Variants in ZBTB38 observed in about 807,000 individuals in gnomAD.
The protein encoded by ZBTB38 is zinc finger and BTB domain-containing protein 38.
A neutral mutation model predicts 76.8 loss-of-function variants in ZBTB38; 20 were observed. That is an observed-to-expected ratio of 0.26 (90% CI 0.18 to 0.38). The LOEUF is 0.38. Ranked by LOEUF, ZBTB38 falls within the 10% of genes least tolerant of loss-of-function variation. The pLI, the probability that ZBTB38 is intolerant of heterozygous loss-of-function variation, is 1.00. For synonymous variants in ZBTB38, 504 were observed against 544.2 expected, an observed-to-expected ratio of 0.93 and a Z score of 1.03; for missense variants, 1,082 against 1,482.3, an observed-to-expected ratio of 0.73 and a Z score of 4.43.
At chr3:141,337,923 AATTT>A (rs1410335245) in intron 1 of ZBTB38, among the ~76,000 whole-genome samples, 2 of 152,204 alleles carry the variant, frequency 1.3e-5, no homozygotes, top group African/African-American at 2.4e-5. Context: ...AATTATCACT[AATTT>A]ATTTATTTAT....
intron 4 of ZBTB38, among the ~76,000 whole-genome samples, chr3:141,399,363 C>A (rs1414389248): frequency 6.6e-6 from 1 of 152,190 alleles, no homozygotes; most frequent in East Asian, 1.9e-4. Context: ...ATCTGCCTGG[C>A]TCCCACGGGC....
chr3:141,389,809 T>C (rs1948290937), intron 4 of ZBTB38: 1 of 152,230 alleles, frequency 6.6e-6, no homozygotes, highest in Non-Finnish European at 1.5e-5. Flanking sequence ...TGCAATGCAA[T>C]TGTTTTACCA....
intron 5 of ZBTB38, among the ~76,000 whole-genome samples, chr3:141,412,742 A>G (rs1447079458): frequency 6.6e-6 from 1 of 152,038 alleles, no homozygotes; most frequent in Non-Finnish European, 1.5e-5. Context: ...GAAATTGGCA[A>G]CAGCTCACTG....
Position 141,445,405 on chromosome 3 carries a change from C to A in ZBTB38, c.3017C>A (p.Thr1006Asn), listed in dbSNP as rs1225152345. Residue 1006 changes from threonine (T) to asparagine (N), a missense_variant, in exon 6 of 6, where the codon ACT becomes AAT. Thr to Asn is a moderately conservative substitution (Grantham distance 65). This residue lies in a region of ZBTB38 where 471 missense variants were observed against 581.0 expected (regional missense o/e 0.81). Transcript: ENST00000321464. The surrounding 1 kb of genome is among the most constrained non-coding windows in gnomAD (Gnocchi z 6.5). The part of the protein sequence containing the change: ...GNQGRPHRHL[T>N]SRPYACELCA... ...CAAGGAAGGCCCCACCGACATCTTA[C>A]TTCTCGGCCATATGCCTGCGAGCTC... 6.2e-7 allele frequency: 1 copy of A among 1,614,210 alleles called. No individual in the cohort carries two copies. Among genetic ancestry groups the A allele is most frequent in the South Asian group, 1.1e-5 (1 of 91,082 alleles).
chr3:141,348,819 A>G (rs1383980418), intron 1 of ZBTB38, among the ~76,000 whole-genome samples: 1 of 152,226 alleles, frequency 6.6e-6, no homozygotes, highest in Non-Finnish European at 1.5e-5. Context: ...TTAAAAAGTG[A>G]TAATCACCAT....
chr3:141,418,670 A>G (rs2074649993), intron 5 of ZBTB38, among the ~76,000 whole-genome samples: 1 of 152,262 alleles, frequency 6.6e-6, no homozygotes, highest in Non-Finnish European at 1.5e-5. Flanking sequence ...GATACTTGTT[A>G]AGAAAACAAA....
In ZBTB38 at chr3:141,442,751, C is replaced by A; in HGVS notation, c.363C>A (p.Asp121Glu). ...GKKLGISFLEDLTDRNFSNSP... is the reference protein window; with the variant it reads ...GKKLGISFLEELTDRNFSNSP... Reference sequence around the variant, plus strand: ...AGCTGGGAATATCGTTCTTGGAAGACCTTACTGATCGCAACTTCTCAAATT... The same window carrying A: ...AGCTGGGAATATCGTTCTTGGAAGAACTTACTGATCGCAACTTCTCAAATT... The change falls in exon 6 of 6, where the codon GAC becomes GAA. Residue 121 changes from aspartate to glutamate, a missense_variant. By Grantham distance (45) the Asp-to-Glu change is conservative. Around this residue, in one of 8 missense-constraint regions of ZBTB38, gnomAD observed 68 missense variants for 153.0 expected, o/e 0.44. Transcript: ENST00000321464. This position sits in a 1 kb window ranked among gnomAD's most constrained non-coding sequence, Gnocchi z 6.4. The A allele has an allele frequency of 4.3e-6, 7 of 1,614,126 alleles. No homozygotes were observed. The highest frequency in any genetic ancestry group is 5.9e-6 in the Non-Finnish European group (7 of 1,180,024).
chr3:141,401,344 T>C lies in ZBTB38; in HGVS notation c.-105-2583T>C, dbSNP rs1169686553. Among the ~76,000 whole-genome samples the C allele has an allele frequency of 2.0e-5, 3 of 151,870 alleles. No individual in the cohort carries two copies. The East Asian group carries it at 5.8e-4, about 29-fold the overall frequency. ...TGGGAAATGCTAATATACATGTGTA[T>C]GCATGTTGCCCAAACTGTCGGCCTT... On this transcript the variant is annotated intron_variant, in intron 4 of 5. Coordinates refer to ENST00000321464, the MANE Select transcript of ZBTB38 (RefSeq NM_001376113.1).
chr3:141,359,816 A>G (rs1463817501), intron 1 of ZBTB38, among the ~76,000 whole-genome samples: 1 of 152,096 alleles, frequency 6.6e-6, no homozygotes, highest in Non-Finnish European at 1.5e-5. Context: ...CTGTGGTTCC[A>G]GCTACTCAGG....
At chr3:141,376,830 G>A (rs891285843) in intron 2 of ZBTB38, among the ~76,000 whole-genome samples, 1 of 152,146 alleles carries the variant, frequency 6.6e-6, no homozygotes, top group Non-Finnish European at 1.5e-5. Context: ...ACATGCTGCT[G>A]GAGAGTCTTG....
At position 141,443,939 on chromosome 3, in the gene ZBTB38, G is replaced by A. The variant is rs2080737596; in HGVS notation, c.1551G>A (p.Gln517=). ...GGCATACGGGAGAAAGACGATATCAGTGCATTTTCTGTCTTGAAACTTTCA... is the reference window on the plus strand; with the variant it reads ...GGCATACGGGAGAAAGACGATATCAATGCATTTTCTGTCTTGAAACTTTCA... ...EIWHTGERRY[Q]CIFCLETFMT... The change falls in exon 6 of 6, where the codon CAG becomes CAA. Residue 517 remains glutamine, a synonymous_variant. Transcript: ENST00000321464. This position sits in a 1 kb window ranked among gnomAD's most constrained non-coding sequence, Gnocchi z 5.6. The A allele has an allele frequency of 1.2e-6, 2 of 1,614,176 alleles. No homozygotes were observed. The highest frequency in any genetic ancestry group is 1.7e-6 in the Non-Finnish European group (2 of 1,180,034).
At chr3:141,417,761 A>G (rs777005068) in intron 5 of ZBTB38, among the ~76,000 whole-genome samples, 2 of 152,134 alleles carry the variant, frequency 1.3e-5, no homozygotes, top group African/African-American at 4.8e-5. Flanking sequence ...TCACACCTGT[A>G]ATCCCAGCAC....
chr3:141,446,223 T>C lies in ZBTB38; in HGVS notation c.*247T>C, dbSNP rs1323064909. The C allele has an allele frequency of 3.1e-6, 1 of 318,568 alleles. No homozygotes were observed. Among genetic ancestry groups the C allele is most frequent in the African/African-American group, 2.2e-5 (1 of 46,426 alleles). The allele number at this position is 318,568 out of a possible 1,614,324, so 19.7% of individuals were successfully genotyped here. ...AATATCCCAAGTTTCTTGTGAAAGT[T>C]AATAAAATTCTTAGCTGTGGTATTT... is the stretch of plus-strand genomic sequence containing the variant. On this transcript the variant is annotated 3_prime_UTR_variant, in exon 6 of 6. Coordinates refer to ENST00000321464, the MANE Select transcript of ZBTB38 (RefSeq NM_001376113.1).
chr3:141,381,854 T>C (rs1451353683), intron 3 of ZBTB38, among the ~76,000 whole-genome samples: 2 of 152,158 alleles, frequency 1.3e-5, no homozygotes, highest in African/African-American at 4.8e-5. Context: ...CACAAACTTT[T>C]AGAACTGGAA....
chr3:141,388,769 C>A (rs373167089), intron 4 of ZBTB38: 20 of 152,216 alleles, frequency 1.3e-4, no homozygotes, highest in Admixed American at 1.3e-3. Context: ...GTTTTTAATG[C>A]GGTCTTCAAG....
rs181837053 is a variant in ZBTB38 at position 141,445,281 on chromosome 3, G to T, written c.2893G>T (p.Ala965Ser). The T allele has an allele frequency of 7.4e-6, 12 of 1,614,114 alleles. No homozygotes were observed. Among genetic ancestry groups the T allele is most frequent in the South Asian group, 3.3e-5 (3 of 91,090 alleles). Residue 965 changes from alanine (A) to serine (S), a missense_variant, in exon 6 of 6, where the codon GCT (alanine) becomes TCT (serine). This residue lies in a region of ZBTB38 where 471 missense variants were observed against 581.0 expected (regional missense o/e 0.81). Coordinates refer to ENST00000321464, the MANE Select transcript of ZBTB38 (RefSeq NM_001376113.1). This position sits in a 1 kb window ranked among gnomAD's most constrained non-coding sequence, Gnocchi z 6.5. Reference protein sequence around the residue: ...PAELDCAVGKAPQDKPFEEEE... With the variant: ...PAELDCAVGKSPQDKPFEEEE... Reference sequence around the variant, plus strand: ...AGAACTGGATTGCGCCGTGGGGAAGGCTCCTCAGGATAAACCCTTTGAGGA... The same window carrying T: ...AGAACTGGATTGCGCCGTGGGGAAGTCTCCTCAGGATAAACCCTTTGAGGA...
chr3:141,428,076 C>G (rs749562359), intron 5 of ZBTB38, among the ~76,000 whole-genome samples: 4 of 152,204 alleles, frequency 2.6e-5, no homozygotes, highest in African/African-American at 4.8e-5. Context: ...AACTGCCACC[C>G]GGGATCAAGG....
At chr3:141,335,913 T>G (rs558003874) in intron 1 of ZBTB38, among the ~76,000 whole-genome samples, 1 of 152,364 alleles carries the variant, frequency 6.6e-6, no homozygotes, top group South Asian at 2.1e-4. Flanking sequence ...CATAGTAGAA[T>G]GCTCAGTAAA....
Position 141,368,541 on chromosome 3 carries a change from A to G in ZBTB38, c.-573A>G, listed in dbSNP as rs1447423696. On this transcript the variant is annotated 5_prime_UTR_variant, in exon 1 of 6. Coordinates refer to ENST00000321464, the MANE Select transcript of ZBTB38 (RefSeq NM_001376113.1). ...GCACTCGCAGCTGCAGCAAATCTCA[A>G]AATAAAGAGGCAACGGCCTTTCTCT... 1 of 152,220 alleles carries G rather than the reference A, an allele frequency of 6.6e-6. No homozygotes were observed. Among genetic ancestry groups the G allele is most frequent in the Non-Finnish European group, 1.5e-5 (1 of 68,098 alleles). 9.4% of individuals were successfully genotyped at this position (152,220 alleles called of 1,614,324 possible).
Sources: gnomAD v4.1 joint callset for allele counts (sites outside exome capture counted in the v4.1 genomes callset) on GRCh38, gnomAD v4.1.1 for gene constraint, gnomAD v4.1.1 regional missense constraint, Gnocchi (gnomAD v3.1) non-coding constraint, MANE v1.5 for transcripts, NCBI Gene and HGNC (gene_info 2026-07-23, HGNC 2026-07-21) for gene names.